Variants in RMDN2 observed in about 807,000 individuals in gnomAD.
RMDN2 encodes the protein regulator of microtubule dynamics 2.
RMDN2 carries 61 observed loss-of-function variants against 52.8 expected under a neutral mutation model. The observed-to-expected ratio is 1.16, with a 90% confidence interval of 0.94 to 1.43. The LOEUF (loss-of-function observed/expected upper bound fraction) is 1.43, where lower values mean the gene tolerates loss of function less well. Among genes scored for constraint, RMDN2 ranks in the 40% most tolerant of loss-of-function variants. The pLI, the probability that RMDN2 is intolerant of heterozygous loss-of-function variation, is 0.00. For missense variants in RMDN2, 592 were observed against 475.3 expected, an observed-to-expected ratio of 1.25 and a Z score of -2.28; for synonymous variants, 180 against 153.1, an observed-to-expected ratio of 1.18 and a Z score of -1.30.
intron 10 of RMDN2, among the ~76,000 whole-genome samples, chr2:38,055,326 A>C (rs1464024642): frequency 4.0e-5 from 6 of 151,818 alleles, no homozygotes; most frequent in Non-Finnish European, 8.8e-5. Context: ...AGACTCCTCA[A>C]CCCAGCATGT....
Position 37,929,451 on chromosome 2 carries a change from A to G in RMDN2, c.174A>G (p.Ile58Met). Residue 58 changes from isoleucine (I) to methionine (M), a missense_variant, in exon 2 of 11, where the codon ATA (isoleucine) becomes ATG (methionine). Ile to Met is a conservative substitution (Grantham distance 10). Transcript: ENST00000354545. The part of the protein sequence containing the change: ...TFNSITLQDE[I>M]HDDQGTTVIF... Reference sequence around the variant, plus strand: ...ATTCAATAACTTTGCAAGATGAAATACATGATGACCAAGGAACAACAGTAA... The same window carrying G: ...ATTCAATAACTTTGCAAGATGAAATGCATGATGACCAAGGAACAACAGTAA... The G allele has an allele frequency of 6.4e-7, 1 of 1,551,742 alleles. No homozygotes were observed. Among genetic ancestry groups the G allele is most frequent in the Non-Finnish European group, 8.7e-7 (1 of 1,146,946 alleles).
At position 38,009,062 on chromosome 2, in the gene RMDN2, G is replaced by A. The variant is rs546146199; in HGVS notation, c.1179+4846G>A. 5.9e-5 allele frequency among the ~76,000 whole-genome samples: 9 copies of A among 152,304 alleles called. No homozygotes were observed. The South Asian group carries it at 1.9e-3, about 32-fold the overall frequency. Reference sequence around the variant, plus strand: ...CTCTCTTCTGGCTTGTAGAGTTTCTGCTGAGAGATCAGCTGTTAGTCTGAT... The same window carrying A: ...CTCTCTTCTGGCTTGTAGAGTTTCTACTGAGAGATCAGCTGTTAGTCTGAT... On this transcript the variant is annotated intron_variant, in intron 10 of 10. Coordinates refer to ENST00000354545, the MANE Select transcript of RMDN2 (RefSeq NM_001170791.3).
chr2:37,929,633 A>G lies in RMDN2; in HGVS notation c.356A>G (p.Lys119Arg), dbSNP rs1478574439. The change falls in exon 2 of 11, where the codon AAG becomes AGG. Residue 119 changes from lysine (K) to arginine (R), a missense_variant. Physicochemically the swap from Lys to Arg is conservative, Grantham distance 26. Transcript: ENST00000354545. ...CTTGGAGGGAAAATAACTGTTCATAAGATAAGCCCTCAGCACAGAGCGAGA... is the reference window on the plus strand; with the variant it reads ...CTTGGAGGGAAAATAACTGTTCATAGGATAAGCCCTCAGCACAGAGCGAGA... ...DELGGKITVH[K>R]ISPQHRARKR... is the part of the protein sequence containing the mutation. 7.1e-6 allele frequency: 11 copies of G among 1,551,666 alleles called. No individual in the cohort carries two copies. The East Asian group carries it at 2.7e-4, about 38-fold the overall frequency.
intron 10 of RMDN2, among the ~76,000 whole-genome samples, chr2:38,044,890 C>G (rs4670232): frequency 0.67 from 102,349 of 151,946 alleles, 35,180 homozygotes; most frequent in East Asian, 0.92. Flanking sequence ...AAGTAAAACC[C>G]TAATCCTAGT....
At chr2:38,056,882 C>A (rs900710880) in intron 10 of RMDN2, among the ~76,000 whole-genome samples, 5 of 152,164 alleles carry the variant, frequency 3.3e-5, no homozygotes, top group African/African-American at 1.2e-4. Flanking sequence ...TTCCATTTAA[C>A]TGCTGCATTC....
chr2:37,957,998 G>T (rs1187257699), intron 2 of RMDN2, among the ~76,000 whole-genome samples: 1 of 152,102 alleles, frequency 6.6e-6, no homozygotes, highest in Non-Finnish European at 1.5e-5. Context: ...TATTCCATTG[G>T]TCTATATATC....
Position 37,951,667 on chromosome 2 carries a change from A to G in RMDN2, c.452+21938A>G, listed in dbSNP as rs1261119162. 1.9e-6 allele frequency: 3 copies of G among 1,613,288 alleles called. No individual in the cohort carries two copies. Among genetic ancestry groups the G allele is most frequent in the Non-Finnish European group, 2.5e-6 (3 of 1,179,698 alleles). On this transcript the variant is annotated intron_variant, in intron 2 of 10. Transcript: ENST00000354545. The stretch of plus-strand genomic sequence containing the variant: ...TTTTTTGATCCTCAAGCAAGTGGCC[A>G]GAATGTGTTTAATCTAAATGAAATC...
At chr2:38,000,878 T>C (rs939637342) in intron 8 of RMDN2, among the ~76,000 whole-genome samples, 3 of 152,230 alleles carry the variant, frequency 2.0e-5, no homozygotes, top group East Asian at 3.8e-4. Context: ...TGTTGTGTCA[T>C]ATGGTATGTG....
intron 10 of RMDN2, among the ~76,000 whole-genome samples, chr2:38,039,987 G>A (rs1302114624): frequency 6.6e-6 from 1 of 151,328 alleles, no homozygotes; most frequent in Non-Finnish European, 1.5e-5. Flanking sequence ...TTTACATTTA[G>A]GTCCATGATG....
At chr2:37,955,307 A>C (rs542599991) in intron 2 of RMDN2, among the ~76,000 whole-genome samples, 1 of 152,268 alleles carries the variant, frequency 6.6e-6, no homozygotes, top group Admixed American at 6.5e-5. Flanking sequence ...TTCACCATTG[A>C]ATATGATGTT....
rs907236532 is a variant in RMDN2, at chr2:37,943,450, C to A, written c.452+13721C>A. Among the ~76,000 whole-genome samples, 14 of 152,298 alleles carry A rather than the reference C, an allele frequency of 9.2e-5. No homozygotes were observed. In the South Asian group the frequency reaches 1.2e-3, roughly 14 times the overall value. ...CAGCCTTTAACTAACCATGTAACTT[C>A]ACTTCTCCAAACCTCAATTTATTTA... On this transcript the variant is annotated intron_variant, in intron 2 of 10. Coordinates refer to ENST00000354545, the MANE Select transcript of RMDN2 (RefSeq NM_001170791.3).
intron 10 of RMDN2, among the ~76,000 whole-genome samples, chr2:38,059,510 A>G (rs1681959746): frequency 6.6e-6 from 1 of 152,226 alleles, no homozygotes; most frequent in Non-Finnish European, 1.5e-5. Context: ...CAGACAGTAA[A>G]TCATCATCAA....
chr2:38,011,200 T>G (rs568732078), intron 10 of RMDN2, among the ~76,000 whole-genome samples: 1 of 152,180 alleles, frequency 6.6e-6, no homozygotes, highest in Non-Finnish European at 1.5e-5. Flanking sequence ...ATGACAAAGA[T>G]GAAAAATATG....
chr2:37,997,738 A>G, intron 8 of RMDN2: 1 of 462,080 alleles, frequency 2.2e-6, no homozygotes, highest in Non-Finnish European at 3.9e-6. Flanking sequence ...ATTACAAACT[A>G]CTTTTTAAAA....
chr2:37,975,376 C>T (rs1012217982), intron 4 of RMDN2, 62 bp downstream of exon 4: 92 of 976,002 alleles, frequency 9.4e-5, no homozygotes, highest in Non-Finnish European at 1.4e-4. Context: ...ATCATGCAGC[C>T]GTAAAAAAGG....
chr2:37,965,150 A>G (rs1221308390), intron 2 of RMDN2, among the ~76,000 whole-genome samples: 3 of 152,136 alleles, frequency 2.0e-5, no homozygotes, highest in Non-Finnish European at 2.9e-5. Flanking sequence ...TGGACAGCAT[A>G]TCGTTAAATC....
At chr2:38,065,785 G>A (rs1682250604) in intron 10 of RMDN2, among the ~76,000 whole-genome samples, 1 of 152,210 alleles carries the variant, frequency 6.6e-6, no homozygotes, top group South Asian at 2.1e-4. Flanking sequence ...TAGGACAGAA[G>A]TTTTAGGATT....
intron 8 of RMDN2, chr2:37,998,100 T>G (rs1047413194): frequency 2.0e-5 from 3 of 152,260 alleles, no homozygotes; most frequent in Non-Finnish European, 4.4e-5. Flanking sequence ...CATGTAAATG[T>G]ATAATATAGC....
chr2:37,943,135 C>CT (rs1667941036), intron 2 of RMDN2, among the ~76,000 whole-genome samples: 1 of 152,182 alleles, frequency 6.6e-6, no homozygotes, highest in Non-Finnish European at 1.5e-5. Flanking sequence ...GGGCATCCCA[C>CT]TAGTATGTTT....
Sources: gnomAD v4.1 joint callset for allele counts (sites outside exome capture counted in the v4.1 genomes callset) on GRCh38, gnomAD v4.1.1 for gene constraint, MANE v1.5 for transcripts, NCBI Gene and HGNC (gene_info 2026-07-23, HGNC 2026-07-21) for gene names.